Variants in SNCAIP observed in about 807,000 individuals in gnomAD.
SNCAIP encodes the protein synphilin-1.
A neutral mutation model predicts 86.7 loss-of-function variants in SNCAIP; 43 were observed. That is an observed-to-expected ratio of 0.50 (90% confidence interval 0.39 to 0.64). SNCAIP has a LOEUF of 0.64. SNCAIP is among the 30% of genes least tolerant of loss of function. SNCAIP has a pLI of 0.00. For missense variants in SNCAIP, 981 were observed against 1,103.1 expected, an observed-to-expected ratio of 0.89 and a Z score of 1.57; for synonymous variants, 417 against 427.2, an observed-to-expected ratio of 0.98 and a Z score of 0.29.
At chr5:122,367,204 G>A (rs1312967911) in intron 1 of SNCAIP, among the ~76,000 whole-genome samples, 1 of 152,128 alleles carries the variant, frequency 6.6e-6, no homozygotes, top group Admixed American at 6.6e-5. Context: ...AGTAAGAAGA[G>A]AAGTGGACCA....
chr5:122,392,241 G>A (rs151105805), intron 2 of SNCAIP, among the ~76,000 whole-genome samples: 1 of 152,182 alleles, frequency 6.6e-6, no homozygotes, highest in African/African-American at 2.4e-5. Context: ...TACAAACTTG[G>A]ATGAGTCTTT....
At chr5:122,374,430 G>A (rs1764875675) in intron 1 of SNCAIP, among the ~76,000 whole-genome samples, 1 of 152,072 alleles carries the variant, frequency 6.6e-6, no homozygotes, top group African/African-American at 2.4e-5. Flanking sequence ...GTGCCAAAGA[G>A]GAAAAACCCA....
intron 5 of SNCAIP, among the ~76,000 whole-genome samples, chr5:122,431,702 T>C (rs1283731031): frequency 6.6e-6 from 1 of 152,192 alleles, no homozygotes; most frequent in South Asian, 2.1e-4. Context: ...TTTTATAGTA[T>C]ACAAATTATA....
chr5:122,314,241 C>T (rs568309336), intron 1 of SNCAIP, among the ~76,000 whole-genome samples: 3 of 152,304 alleles, frequency 2.0e-5, no homozygotes, highest in African/African-American at 7.2e-5. Flanking sequence ...GAAACCCACA[C>T]AAACATCTAA....
intron 1 of SNCAIP, among the ~76,000 whole-genome samples, chr5:122,360,191 C>G (rs146723747): frequency 4.6e-5 from 7 of 152,140 alleles, no homozygotes; most frequent in Non-Finnish European, 7.3e-5. Flanking sequence ...TATTCCTAAA[C>G]GTTTCGGAAC....
intron 1 of SNCAIP, among the ~76,000 whole-genome samples, chr5:122,315,179 C>T (rs997966615): frequency 1.1e-4 from 16 of 152,206 alleles, no homozygotes; most frequent in African/African-American, 3.9e-4. Flanking sequence ...GATGGTTCTT[C>T]TGCTATTCTT....
At chr5:122,433,112 A>AGTGTGTGT (rs34711914) in intron 6 of SNCAIP, among the ~76,000 whole-genome samples, 1,826 of 147,796 alleles carry the variant, frequency 0.012, 15 homozygotes, top group Non-Finnish European at 0.015. Flanking sequence ...AACTTCTAGT[A>AGTGTGTGT]GTGTGTGTGT....
At chr5:122,455,189 C>T (rs1223077840) in intron 10 of SNCAIP, among the ~76,000 whole-genome samples, 2 of 152,128 alleles carry the variant, frequency 1.3e-5, no homozygotes, top group Non-Finnish European at 2.9e-5. Flanking sequence ...GAAGTGGAAA[C>T]CTTAGTTCTT....
intron 1 of SNCAIP, among the ~76,000 whole-genome samples, chr5:122,333,340 A>G (rs556394281): frequency 6.6e-6 from 1 of 152,364 alleles, no homozygotes; most frequent in Admixed American, 6.5e-5. Context: ...ATGTCACATT[A>G]TTACGGAACC....
chr5:122,312,894 C>G (rs1205391562), intron 1 of SNCAIP: 1 of 152,276 alleles, frequency 6.6e-6, no homozygotes, highest in African/African-American at 2.4e-5. Context: ...GGCCTTGTCT[C>G]TTGGCGATGA....
intron 2 of SNCAIP, among the ~76,000 whole-genome samples, chr5:122,400,532 A>G (rs147705063): frequency 5.5e-4 from 84 of 152,360 alleles, no homozygotes; most frequent in African/African-American, 2.0e-3. Context: ...GGAAGCCAAC[A>G]CCTACAGATA....
chr5:122,409,812 G>A (rs1461838030), intron 3 of SNCAIP, among the ~76,000 whole-genome samples: 1 of 152,220 alleles, frequency 6.6e-6, no homozygotes, highest in African/African-American at 2.4e-5. Context: ...TTATGACATA[G>A]TTGGTGATGC....
intron 10 of SNCAIP, among the ~76,000 whole-genome samples, chr5:122,460,041 C>T (rs933335362): frequency 1.1e-4 from 17 of 151,898 alleles, no homozygotes; most frequent in African/African-American, 3.9e-4. Context: ...TTATAAAGCA[C>T]GTACAGTATC....
chr5:122,423,343 CA>C lies in SNCAIP; in HGVS notation c.608del (p.Asn203ThrfsTer11). 6.2e-7 allele frequency: 1 copy of C among 1,613,974 alleles called. No individual in the cohort carries two copies. ...CAGGAAGTTCTGAGAGCTCATCATC[CA>C]ACATGGCACCATTTTGTGTTCTTTC... ...STGSSESSSSNMAPFCVLSPV... is the reference protein window; with the variant it reads ...STGSSESSSSXMAPFCVLSPV... On this transcript the variant is annotated frameshift_variant, in exon 4 of 11. Coordinates refer to ENST00000261368, the MANE Select transcript of SNCAIP (RefSeq NM_005460.4). LOFTEE classifies it high-confidence loss of function.
At chr5:122,449,096 T>C (rs189866520) in intron 8 of SNCAIP, among the ~76,000 whole-genome samples, 219 of 152,172 alleles carry the variant, frequency 1.4e-3, no homozygotes, top group South Asian at 6.2e-3. Flanking sequence ...ATTGAAAATA[T>C]CATAAGGTAA....
chr5:122,374,785 G>A (rs1056796746), intron 1 of SNCAIP, among the ~76,000 whole-genome samples: 9 of 151,990 alleles, frequency 5.9e-5, no homozygotes, highest in East Asian at 1.9e-4. Context: ...TTATTTACTC[G>A]TGCAAGATAT....
intron 1 of SNCAIP, among the ~76,000 whole-genome samples, chr5:122,331,063 C>T (rs1251806311): frequency 6.6e-6 from 1 of 152,052 alleles, no homozygotes; most frequent in African/African-American, 2.4e-5. Context: ...GCTGATCTGA[C>T]GGGAGGTGGC....
rs1756265111 is a variant in SNCAIP, at chr5:122,335,533, G to C, written c.-47+23249G>C. ...TTTTAAAGCACACCAAAGTTTGGCAGAGGGTTTCTCTGCACTTTAACTGTT... is the reference window on the plus strand; with the variant it reads ...TTTTAAAGCACACCAAAGTTTGGCACAGGGTTTCTCTGCACTTTAACTGTT... On this transcript the variant is annotated intron_variant, in intron 1 of 10. Transcript: ENST00000261368. Among the ~76,000 whole-genome samples, 6 of 152,180 alleles carry C rather than the reference G, an allele frequency of 3.9e-5. No individual in the cohort carries two copies. In the South Asian group the frequency reaches 1.2e-3, roughly 31 times the overall value.
chr5:122,358,345 TCCCTCCC>T (rs1761529463), intron 1 of SNCAIP, among the ~76,000 whole-genome samples: 1 of 112,296 alleles, frequency 8.9e-6, no homozygotes, highest in African/African-American at 3.4e-5. Flanking sequence ...CCTAATGCTA[TCCCTCCC>T]CCCTCCCCCC....
Sources: allele counts gnomAD v4.1 joint callset (sites outside exome capture counted in the v4.1 genomes callset), GRCh38; gene constraint gnomAD v4.1.1; transcripts MANE v1.5; gene names NCBI Gene and HGNC (gene_info 2026-07-23, HGNC 2026-07-21).